Variants in MGST2 observed in about 807,000 individuals in gnomAD.
MGST2 encodes the protein microsomal glutathione S-transferase 2.
In MGST2, 9 loss-of-function variants were observed where a neutral mutation model predicts 16.6. The ratio of observed to expected loss-of-function variants is 0.54; its 90% confidence interval spans 0.33 to 0.95. MGST2 has a LOEUF of 0.95. MGST2 is among the 40% of genes least tolerant of loss of function. The pLI is 0.03. For missense variants in MGST2, 159 were observed against 175.1 expected (o/e 0.91, Z 0.52); for synonymous variants, 79 against 68.0 (o/e 1.16, Z -0.79).
rs887901327 is a variant in MGST2, at chr4:139,665,917, A to G, written c.-103A>G. ...CCGCTTGAATCAGCCTTTTCCCCCC[A>G]CCCGGTCCCCAACTTTGTTTACCCG... is the stretch of plus-strand genomic sequence containing the variant. On this transcript the variant is annotated 5_prime_UTR_variant, in exon 1 of 5. Transcript: ENST00000265498. 7.6e-6 allele frequency: 9 copies of G among 1,186,510 alleles called. No homozygotes were observed. Among genetic ancestry groups the G allele is most frequent in the African/African-American group, 1.5e-5 (1 of 66,784 alleles). The allele number at this position is 1,186,510 out of a possible 1,614,324, so 73.5% of individuals were successfully genotyped here.
At chr4:139,745,614 C>A (rs1729295276), downstream of MGST2, among the ~76,000 whole-genome samples, 1 of 152,192 alleles carries the variant, frequency 6.6e-6, no homozygotes, top group African/African-American at 2.4e-5. Flanking sequence ...ACTCATTTCT[C>A]TTCTCTATTA....
At chr4:139,732,576 A>AT (rs5862431) in intron 5 of MGST2, among the ~76,000 whole-genome samples, 20 of 146,032 alleles carry the variant, frequency 1.4e-4, no homozygotes, top group African/African-American at 4.7e-4. Context: ...CTAGAACGCT[A>AT]TTTTTTTTTT....
At chr4:139,733,571 A>AC (rs1491524990) in intron 5 of MGST2, among the ~76,000 whole-genome samples, 1 of 152,074 alleles carries the variant, frequency 6.6e-6, no homozygotes, top group Non-Finnish European at 1.5e-5. Context: ...AAAAAAAAAA[A>AC]AAAACCCTCC....
chr4:139,753,259 A>T, the MGST2 span, among the ~76,000 whole-genome samples: 1 of 152,158 alleles, frequency 6.6e-6, no homozygotes, highest in Non-Finnish European at 1.5e-5. Flanking sequence ...ACCATGATCT[A>T]TTTCCAGAAC....
chr4:139,715,183 C>T lies in MGST2; in HGVS notation c.*48+10987C>T, dbSNP rs942959250. Among the ~76,000 whole-genome samples the T allele has an allele frequency of 6.6e-6, 1 of 152,132 alleles. No individual in the cohort carries two copies. The highest frequency in any genetic ancestry group is 2.4e-5 in the African/African-American group (1 of 41,426). Reference sequence around the variant, plus strand: ...TCTATCTTAGGAGAGACTCTAACTCCACTAAGCTGGGCCTCTAACCCAATC... The same window carrying T: ...TCTATCTTAGGAGAGACTCTAACTCTACTAAGCTGGGCCTCTAACCCAATC... On this transcript the variant is annotated intron_variant, in intron 5 of 5. Coordinates refer to the MGST2 transcript ENST00000616265. This position sits in a 1 kb window ranked among gnomAD's most constrained non-coding sequence, Gnocchi z 4.4.
At chr4:139,748,958 G>C in the MGST2 span, among the ~76,000 whole-genome samples, 4 of 152,180 alleles carry the variant, frequency 2.6e-5, no homozygotes, top group Non-Finnish European at 4.4e-5. Context: ...TTGGTGAATA[G>C]AGTGTGGGCA....
intron 5 of MGST2, among the ~76,000 whole-genome samples, chr4:139,713,497 AG>A (rs1727818438): frequency 2.5e-4 from 37 of 149,520 alleles, no homozygotes; most frequent in Non-Finnish European, 1.2e-4. Flanking sequence ...AAAAAAAAAA[AG>A]GAGAAAAATA....
intron 5 of MGST2, among the ~76,000 whole-genome samples, chr4:139,729,156 CAAAAAAAAA>C (rs4057275): frequency 3.7e-5 from 3 of 81,704 alleles, no homozygotes; most frequent in African/African-American, 1.4e-4. Context: ...GGAACAAAAG[CAAAAAAAAA>C]AAAAAAAAAA....
chr4:139,681,874 A>C (rs182781622), intron 2 of MGST2, among the ~76,000 whole-genome samples: 8 of 152,270 alleles, frequency 5.3e-5, no homozygotes, highest in Non-Finnish European at 1.0e-4. Context: ...CAGAAAATAA[A>C]CAATAAGCAG....
intron 1 of MGST2, 51 bp downstream of exon 1, chr4:139,666,128 GTGTGTGA>G: frequency 3.2e-6 from 5 of 1,568,222 alleles, no homozygotes; most frequent in Non-Finnish European, 4.4e-6. Context: ...GTGTGTGTGT[GTGTGTGA>G]CAAGGCTTGC....
At chr4:139,682,067 A>G (rs909701664) in intron 2 of MGST2, among the ~76,000 whole-genome samples, 21 of 151,950 alleles carry the variant, frequency 1.4e-4, no homozygotes, top group Non-Finnish European at 2.5e-4. Flanking sequence ...ATGTGGGTAC[A>G]TACCTGCAGT....
chr4:139,695,103 A>T, intron 2 of MGST2, 94 bp from the exon 3 acceptor site: 1 of 863,266 alleles, frequency 1.2e-6, no homozygotes. Flanking sequence ...ATATTTTGTT[A>T]AAATAGGCTG....
chr4:139,679,229 A>G (rs1323266448), intron 2 of MGST2: 2 of 155,264 alleles, frequency 1.3e-5, no homozygotes, highest in African/African-American at 4.8e-5. Context: ...GCTAGGGCGT[A>G]CTTTATATTT....
At chr4:139,720,283 G>C in intron 5 of MGST2, 1 of 1,564,652 alleles carries the variant, frequency 6.4e-7, no homozygotes, top group Non-Finnish European at 8.7e-7. Context: ...TGCTCTGGAG[G>C]GCTGCTTGGC....
downstream of MGST2, among the ~76,000 whole-genome samples, chr4:139,709,231 C>T (rs924495146): frequency 2.0e-5 from 3 of 151,626 alleles, no homozygotes; most frequent in Non-Finnish European, 2.9e-5. Flanking sequence ...TAGAGGCGCC[C>T]GCCACCACGC....
chr4:139,719,582 T>C (rs200284253), intron 5 of MGST2: 2 of 1,613,540 alleles, frequency 1.2e-6, no homozygotes, highest in Admixed American at 3.3e-5. Flanking sequence ...TGGGACTCCC[T>C]GGCTCAGGCC....
chr4:139,706,509 T>C (rs1451313029), downstream of MGST2, among the ~76,000 whole-genome samples: 1 of 152,230 alleles, frequency 6.6e-6, no homozygotes, highest in African/African-American at 2.4e-5. Context: ...AATTGTTTTA[T>C]ACACTGAGAC....
At chr4:139,697,188 G>A (rs1726973993) in intron 3 of MGST2, among the ~76,000 whole-genome samples, 1 of 151,980 alleles carries the variant, frequency 6.6e-6, no homozygotes, top group South Asian at 2.1e-4. Context: ...ATAGATAAGG[G>A]CAGTCCTGAT....
At chr4:139,749,893 C>CCCG in the MGST2 span, among the ~76,000 whole-genome samples, 4 of 141,132 alleles carry the variant, frequency 2.8e-5, no homozygotes, top group African/African-American at 1.1e-4. Flanking sequence ...GAACCCCCCC[C>CCCG]CACCCTATTC....
Sources: gnomAD v4.1 joint callset for allele counts (sites outside exome capture counted in the v4.1 genomes callset) on GRCh38, gnomAD v4.1.1 for gene constraint, Gnocchi (gnomAD v3.1) non-coding constraint, MANE v1.5 for transcripts, NCBI Gene and HGNC (gene_info 2026-07-23, HGNC 2026-07-21) for gene names.